IGF1R: variants seen among roughly 807,000 people sequenced by gnomAD.
IGF1R encodes the protein insulin like growth factor 1 receptor, also known as insulin-like growth factor 1 receptor.
In IGF1R, 44 loss-of-function variants were observed where a neutral mutation model predicts 144.6. That is an observed-to-expected ratio of 0.30 (90% CI 0.24 to 0.39). IGF1R has a LOEUF of 0.39. Ranked by LOEUF, IGF1R falls within the 10% of genes least tolerant of loss-of-function variation. The probability of loss-of-function intolerance (pLI) is 1.00; values close to 1 mark genes in which losing one functional copy is unlikely to be tolerated. For synonymous variants in IGF1R, 795 were observed against 722.8 expected (o/e 1.10, Z -1.60); for missense variants, 1,355 against 1,833.7 (o/e 0.74, Z 4.77).
intron 2 of IGF1R, among the ~76,000 whole-genome samples, chr15:98,850,728 A>T (rs899598216): frequency 6.6e-6 from 1 of 151,992 alleles, no homozygotes; most frequent in Non-Finnish European, 1.5e-5. Flanking sequence ...AGTGATGGAC[A>T]AGGGCTTGGC....
chr15:98,650,768 G>A, intron 1 of IGF1R: 1 of 408,462 alleles, frequency 2.4e-6, no homozygotes, highest in Non-Finnish European at 3.3e-6. Flanking sequence ...GGTCGGCGTC[G>A]TGTCGCCCTC....
rs1449966832 is a variant in IGF1R, at chr15:98,835,107, A to ACC, written c.641-56217_641-56216insCC. Among the ~76,000 whole-genome samples the ACC allele has an allele frequency of 1.6e-4, 22 of 134,280 alleles. No individual in the cohort carries two copies. The South Asian group carries it at 1.6e-3, about 10-fold the overall frequency. 88.1% of individuals were successfully genotyped at this position (134,280 alleles called of 152,430 possible). ...CACACACACACACACACACACACAC[A>ACC]CACCCCTACACCCACACACACCCAC... On this transcript the variant is annotated intron_variant, in intron 2 of 20. Coordinates refer to ENST00000650285, the MANE Select transcript of IGF1R (RefSeq NM_000875.5).
At chr15:98,927,631 TC>T (rs1467537953) in intron 13 of IGF1R, among the ~76,000 whole-genome samples, 3 of 152,180 alleles carry the variant, frequency 2.0e-5, no homozygotes, top group Admixed American at 6.5e-5. Context: ...CTGCCAGCTT[TC>T]CGTTGGTAAT....
At chr15:98,946,717 G>T (rs2016567949) in intron 19 of IGF1R, among the ~76,000 whole-genome samples, 1 of 152,184 alleles carries the variant, frequency 6.6e-6, no homozygotes, top group African/African-American at 2.4e-5. Flanking sequence ...GTGAGTTTGT[G>T]GGTAGCCCAG....
Position 98,732,375 on chromosome 15 carries a change from C to T in IGF1R, c.640+24268C>T, listed in dbSNP as rs146347479. Among the ~76,000 whole-genome samples the T allele has an allele frequency of 2.9e-4, 44 of 152,204 alleles. No individual in the cohort carries two copies. In the East Asian group the frequency reaches 6.8e-3, roughly 23 times the overall value. ...CTAAGAATGAAGGTGAGAATGCTGG[C>T]GGAAACCAGTTGTGGCCCTGTCTGC... On this transcript the variant is annotated intron_variant, in intron 2 of 20. Coordinates refer to ENST00000650285, the MANE Select transcript of IGF1R (RefSeq NM_000875.5).
At chr15:98,813,545 G>T (rs185128507) in intron 2 of IGF1R, among the ~76,000 whole-genome samples, 56 of 152,318 alleles carry the variant, frequency 3.7e-4, no homozygotes, top group African/African-American at 1.3e-3. Flanking sequence ...GACCAACCTT[G>T]GTTCTTCTCC....
chr15:98,694,038 G>A (rs2053541338), intron 1 of IGF1R, among the ~76,000 whole-genome samples: 1 of 152,186 alleles, frequency 6.6e-6, no homozygotes, highest in African/African-American at 2.4e-5. Context: ...CACCTGCCTC[G>A]TTTCTGGTGA....
intron 2 of IGF1R, among the ~76,000 whole-genome samples, chr15:98,765,532 C>T (rs1387889816): frequency 6.6e-6 from 1 of 151,702 alleles, no homozygotes; most frequent in African/African-American, 2.4e-5. Context: ...CCATGTTGGC[C>T]AGGCTCGTCT....
At chr15:98,884,699 A>G (rs1027098674) in intron 2 of IGF1R, among the ~76,000 whole-genome samples, 2 of 151,562 alleles carry the variant, frequency 1.3e-5, no homozygotes, top group Non-Finnish European at 2.9e-5. Flanking sequence ...AAAAAAAAAA[A>G]AAAAAGAAAT....
chr15:98,801,535 T>C (rs1411518513), intron 2 of IGF1R, among the ~76,000 whole-genome samples: 2 of 152,206 alleles, frequency 1.3e-5, no homozygotes, highest in Admixed American at 1.3e-4. Context: ...GGAAGAGGCC[T>C]TTCCTTGATG....
Position 98,962,900 on chromosome 15 carries a change from A to G in IGF1R, c.*5458A>G, listed in dbSNP as rs117503139. 1,251 of 233,726 alleles carry G rather than the reference A, an allele frequency of 5.4e-3. 23 individuals carry two copies. The highest frequency in any genetic ancestry group is 0.04 in the Admixed American group (710 of 17,794). The allele number at this position is 233,726 out of a possible 1,614,324, so 14.5% of individuals were successfully genotyped here. A position where few individuals can be genotyped will look rare whatever the true frequency, so the allele number is the denominator to read the frequency against. On this transcript the variant is annotated 3_prime_UTR_variant, in exon 21 of 21. Coordinates refer to ENST00000650285, the MANE Select transcript of IGF1R (RefSeq NM_000875.5). ...ACTCGTCAGTTGTCAGTTCTGGGGC[A>G]TGACTTTAGCGTTTTGTTTCTGCGA...
chr15:98,767,223 A>G (rs930656686), intron 2 of IGF1R, among the ~76,000 whole-genome samples: 1 of 151,982 alleles, frequency 6.6e-6, no homozygotes, highest in Non-Finnish European at 1.5e-5. Context: ...GTACTGGGGG[A>G]TGAGTGACCT....
In IGF1R at chr15:98,917,185, C is replaced by CT. The variant is rs1270638814; in HGVS notation, c.2201+309_2201+310insT. On this transcript the variant is annotated intron_variant, in intron 10 of 20. Coordinates refer to ENST00000650285, the MANE Select transcript of IGF1R (RefSeq NM_000875.5). ...GTGGTAGAGGCAGGGAGGGGAAACT[C>CT]AAAGAGTATTGACAGCTGCTGCCTG... is the stretch of plus-strand genomic sequence containing the variant. Among the ~76,000 whole-genome samples, 3 of 152,212 alleles carry CT rather than the reference C, an allele frequency of 2.0e-5. No homozygotes were observed. The East Asian group carries it at 5.8e-4, about 29-fold the overall frequency.
chr15:98,708,034 G>C lies in IGF1R; in HGVS notation c.567G>C (p.Lys189Asn). Residue 189 changes from lysine (K) to asparagine (N), a missense_variant, in exon 2 of 21, where the codon AAG becomes AAC. This residue lies in a region of IGF1R where 880 missense variants were observed against 1,202.7 expected (regional missense o/e 0.73). Coordinates refer to ENST00000650285, the MANE Select transcript of IGF1R (RefSeq NM_000875.5). ...TGTGTCCAGGGACCATGGAGGAGAAGCCGATGTGTGAGAAGACCACCATCA... is the reference window on the plus strand; with the variant it reads ...TGTGTCCAGGGACCATGGAGGAGAACCCGATGTGTGAGAAGACCACCATCA... ...GDLCPGTMEE[K>N]PMCEKTTINN... 1.2e-6 allele frequency: 2 copies of C among 1,614,166 alleles called. No individual in the cohort carries two copies. The highest frequency in any genetic ancestry group is 1.7e-6 in the Non-Finnish European group (2 of 1,180,024).
intron 1 of IGF1R, among the ~76,000 whole-genome samples, chr15:98,680,299 C>G (rs2053156733): frequency 6.6e-6 from 1 of 151,354 alleles, no homozygotes; most frequent in South Asian, 2.1e-4. Flanking sequence ...CAGAGTCTCG[C>G]TCTGTCGCCC....
At chr15:98,882,669 T>C (rs1295748429) in intron 2 of IGF1R, among the ~76,000 whole-genome samples, 1 of 152,124 alleles carries the variant, frequency 6.6e-6, no homozygotes, top group African/African-American at 2.4e-5. Context: ...AGAGAGTGAA[T>C]AGGGACAGTG....
chr15:98,798,206 A>G (rs920789616), intron 2 of IGF1R, among the ~76,000 whole-genome samples: 3 of 152,160 alleles, frequency 2.0e-5, no homozygotes, highest in Non-Finnish European at 4.4e-5. Flanking sequence ...TGTGGGGTAC[A>G]GGGTACGTGG....
chr15:98,877,633 G>A (rs770059573), intron 2 of IGF1R, among the ~76,000 whole-genome samples: 1 of 151,716 alleles, frequency 6.6e-6, no homozygotes, highest in Non-Finnish European at 1.5e-5. Context: ...CTGAATAGGT[G>A]TGTATCCTCC....
At chr15:98,904,842 A>G (rs2014656156) in intron 5 of IGF1R, among the ~76,000 whole-genome samples, 1 of 152,254 alleles carries the variant, frequency 6.6e-6, no homozygotes, top group Non-Finnish European at 1.5e-5. Context: ...ATCAGGGCAC[A>G]GGACCTTCCT....
Sources: gnomAD v4.1 joint callset for allele counts (sites outside exome capture counted in the v4.1 genomes callset) on GRCh38, gnomAD v4.1.1 for gene constraint, gnomAD v4.1.1 regional missense constraint, MANE v1.5 for transcripts, NCBI Gene and HGNC (gene_info 2026-07-23, HGNC 2026-07-21) for gene names.